The following GLG1 variants were observed in gnomAD, a reference collection of about 807,000 sequenced individuals.
The protein encoded by GLG1 is Golgi apparatus protein 1.
GLG1 carries 38 observed loss-of-function variants against 160.5 expected under a neutral mutation model. The ratio of observed to expected loss-of-function variants is 0.24; its 90% confidence interval spans 0.18 to 0.31. The LOEUF is 0.31. Ranked by LOEUF, GLG1 falls within the 10% of genes least tolerant of loss-of-function variation. The probability of loss-of-function intolerance (pLI) is 1.00; values close to 1 mark genes in which losing one functional copy is unlikely to be tolerated. For missense variants in GLG1, 1,373 were observed against 1,505.2 expected (o/e 0.91, Z 1.45); for synonymous variants, 644 against 543.4 (o/e 1.19, Z -2.57).
At chr16:74,568,680 A>G (rs2018731072) in intron 1 of GLG1, among the ~76,000 whole-genome samples, 1 of 151,894 alleles carries the variant, frequency 6.6e-6, no homozygotes, top group Admixed American at 6.6e-5. Flanking sequence ...GGCCTCCCAA[A>G]GTGCTGGGAT....
intron 1 of GLG1, among the ~76,000 whole-genome samples, chr16:74,599,369 T>G (rs1958384273): frequency 6.6e-6 from 1 of 152,134 alleles, no homozygotes; most frequent in Admixed American, 6.6e-5. Context: ...TTGCACACGT[T>G]TTGTATTCCC....
At chr16:74,590,763 C>T (rs961366049) in intron 1 of GLG1, among the ~76,000 whole-genome samples, 2 of 144,962 alleles carry the variant, frequency 1.4e-5, no homozygotes, top group African/African-American at 5.1e-5. Context: ...CACCACTGTA[C>T]TCCAGCCTGG....
At chr16:74,504,072 T>G (rs1239562165) in intron 3 of GLG1, among the ~76,000 whole-genome samples, 2 of 152,192 alleles carry the variant, frequency 1.3e-5, no homozygotes, top group African/African-American at 4.8e-5. Flanking sequence ...CATCTACAGC[T>G]TTGGCATGGT....
At chr16:74,498,447 A>AATTATATATATAT (rs1491293119) in intron 4 of GLG1, among the ~76,000 whole-genome samples, 1 of 8,226 alleles carries the variant, frequency 1.2e-4, no homozygotes. Context: ...AAAAAAAAAA[A>AATTATATATATAT]GTATATATAT....
At chr16:74,467,435 T>C (rs923372077) in intron 18 of GLG1, among the ~76,000 whole-genome samples, 9 of 152,120 alleles carry the variant, frequency 5.9e-5, no homozygotes, top group Admixed American at 5.9e-4. Context: ...ATTTTGGAGG[T>C]GCAGAGCATT....
chr16:74,555,017 A>AAAAT (rs2018314987), intron 1 of GLG1, among the ~76,000 whole-genome samples: 1 of 152,224 alleles, frequency 6.6e-6, no homozygotes, highest in Non-Finnish European at 1.5e-5. Context: ...CCCTGTGTCT[A>AAAAT]AAATAAATAA....
chr16:74,456,862 CA>C (rs2014568270), intron 24 of GLG1, 107 bp from the exon 25 acceptor site: 3 of 736,884 alleles, frequency 4.1e-6, no homozygotes. Context: ...TTCAGATCTG[CA>C]GGCTCAACAA....
chr16:74,541,598 G>A (rs1166644137), intron 1 of GLG1, among the ~76,000 whole-genome samples: 2 of 152,168 alleles, frequency 1.3e-5, no homozygotes, highest in Non-Finnish European at 2.9e-5. Context: ...AGCATCAGGA[G>A]AAAAGTTATG....
chr16:74,509,234 G>A (rs111605102), intron 2 of GLG1, among the ~76,000 whole-genome samples: 44 of 141,650 alleles, frequency 3.1e-4, no homozygotes, highest in Admixed American at 9.0e-4. Flanking sequence ...GTGCAACGGC[G>A]TGATCGTGGC....
At chr16:74,596,654 G>A (rs975061131) in intron 1 of GLG1, among the ~76,000 whole-genome samples, 2 of 152,246 alleles carry the variant, frequency 1.3e-5, no homozygotes, top group African/African-American at 2.4e-5. Context: ...AGCTGCACGT[G>A]GCTGATGACT....
At chr16:74,589,760 A>C (rs112817569) in intron 1 of GLG1, among the ~76,000 whole-genome samples, 70 of 152,240 alleles carry the variant, frequency 4.6e-4, no homozygotes, top group African/African-American at 1.6e-3. Context: ...TCAAGTTGAA[A>C]AGGAAAGTAT....
intron 19 of GLG1, chr16:74,463,750 G>GTTT (rs34742937): frequency 6.8e-5 from 28 of 414,246 alleles, no homozygotes; most frequent in Non-Finnish European, 1.2e-4. Flanking sequence ...TGTTGTTGTT[G>GTTT]TTTTAGCAGA....
chr16:74,583,012 A>G (rs1013328268), intron 1 of GLG1, among the ~76,000 whole-genome samples: 3 of 152,058 alleles, frequency 2.0e-5, no homozygotes, highest in African/African-American at 7.2e-5. Flanking sequence ...TGACTCTCAC[A>G]ACTAAAATTT....
At chr16:74,501,311 A>G (rs1461114492) in intron 4 of GLG1, among the ~76,000 whole-genome samples, 3 of 152,244 alleles carry the variant, frequency 2.0e-5, no homozygotes, top group Admixed American at 6.5e-5. Context: ...CCAAAATACA[A>G]GAAAGCCTTT....
intron 17 of GLG1, chr16:74,468,186 G>C (rs2015067314): frequency 5.8e-6 from 1 of 171,498 alleles, no homozygotes; most frequent in Non-Finnish European, 1.2e-5. Context: ...GAAAGAGCTA[G>C]GCTCAAAGTT....
At chr16:74,590,480 G>A (rs1296029261) in intron 1 of GLG1, among the ~76,000 whole-genome samples, 3 of 151,708 alleles carry the variant, frequency 2.0e-5, no homozygotes, top group Admixed American at 2.0e-4. Flanking sequence ...AAATAGCCAG[G>A]CGTAGTGGCG....
At chr16:74,503,422 T>C (rs961654934) in intron 4 of GLG1, 109 bp downstream of exon 4, 2 of 743,248 alleles carry the variant, frequency 2.7e-6, no homozygotes, top group Non-Finnish European at 4.7e-6. Context: ...TTCTTCAATT[T>C]CAACTTAAGG....
chr16:74,482,989 G>A (rs1168081548), intron 10 of GLG1, 34 bp downstream of exon 10: 2 of 1,051,294 alleles, frequency 1.9e-6, no homozygotes, highest in Middle Eastern at 2.0e-4. Flanking sequence ...AAGAGGCTGA[G>A]GCAATACATT....
intron 1 of GLG1, among the ~76,000 whole-genome samples, chr16:74,593,516 C>T (rs1800178114): frequency 6.6e-6 from 1 of 150,964 alleles, no homozygotes; most frequent in Admixed American, 6.6e-5. Context: ...CTCACTGCAA[C>T]CTCCACCTCC....
Sources: allele counts gnomAD v4.1 joint callset (sites outside exome capture counted in the v4.1 genomes callset), GRCh38; gene constraint gnomAD v4.1.1; transcripts MANE v1.5; gene names NCBI Gene and HGNC (gene_info 2026-07-23, HGNC 2026-07-21).